PLCG2: variants seen among roughly 807,000 people sequenced by gnomAD.
The protein encoded by PLCG2 is phospholipase C gamma 2, also known as 1-phosphatidylinositol 4,5-bisphosphate phosphodiesterase gamma-2.
A neutral mutation model predicts 175.6 loss-of-function variants in PLCG2; 69 were observed. The ratio of observed to expected loss-of-function variants is 0.39; its 90% CI spans 0.32 to 0.48. The LOEUF (loss-of-function observed/expected upper bound fraction) is 0.48. Among genes scored for constraint, PLCG2 ranks in the 20% least tolerant of loss-of-function variants. The probability of loss-of-function intolerance (pLI) is 0.91; values close to 1 mark genes in which losing one functional copy is unlikely to be tolerated. For synonymous variants in PLCG2, 827 were observed against 624.0 expected (o/e 1.33, Z -4.85); for missense variants, 1,798 against 1,650.9 (o/e 1.09, Z -1.54).
At chr16:81,878,439 G>C (rs1049113191) in intron 7 of PLCG2, among the ~76,000 whole-genome samples, 1 of 152,064 alleles carries the variant, frequency 6.6e-6, no homozygotes, top group East Asian at 1.9e-4. Context: ...ATATATTCCC[G>C]GGGACACCAT....
At chr16:81,952,828 T>C (rs1019138217) in intron 31 of PLCG2, among the ~76,000 whole-genome samples, 10 of 152,120 alleles carry the variant, frequency 6.6e-5, no homozygotes, top group African/African-American at 2.4e-4. Flanking sequence ...AAAATGAAAG[T>C]TGGAGGAGAA....
chr16:81,892,164 G>A (rs1334564944), intron 11 of PLCG2, among the ~76,000 whole-genome samples: 1 of 152,246 alleles, frequency 6.6e-6, no homozygotes, highest in Non-Finnish European at 1.5e-5. Context: ...ACTGAGAGGA[G>A]TCTGCTAAGG....
chr16:81,778,561 C>A (rs1385691553), upstream of PLCG2, among the ~76,000 whole-genome samples: 1 of 152,182 alleles, frequency 6.6e-6, no homozygotes, highest in African/African-American at 2.4e-5. Context: ...AACATATTAG[C>A]TTCTTCCCAT....
intron 29 of PLCG2, 149 bp downstream of exon 29, chr16:81,939,064 G>A: frequency 1.6e-6 from 1 of 620,594 alleles, no homozygotes; most frequent in East Asian, 2.7e-5. Flanking sequence ...AGCTTGAGGA[G>A]GGGATACATA....
At chr16:81,848,222 G>A (rs761438603) in intron 2 of PLCG2, among the ~76,000 whole-genome samples, 34 of 152,206 alleles carry the variant, frequency 2.2e-4, no homozygotes, top group Non-Finnish European at 4.4e-4. Context: ...AGGCCACTCA[G>A]TGGAGAAAGG....
At chr16:81,957,802 A>G (rs2143783911) in intron 32 of PLCG2, among the ~76,000 whole-genome samples, 154 bp from the exon 33 acceptor site, 1 of 152,188 alleles carries the variant, frequency 6.6e-6, no homozygotes, top group Non-Finnish European at 1.5e-5. Flanking sequence ...TCAACGTCTT[A>G]CCAGGAACTT....
At chr16:81,755,880 G>A (rs1731613034) in exon 2 of PLCG2, 1 of 152,220 alleles carries the variant, frequency 6.6e-6, no homozygotes, top group Admixed American at 6.5e-5. Flanking sequence ...AAGTTCTGAG[G>A]GTACCCCTCA....
chr16:81,848,231 G>A (rs147833512), intron 2 of PLCG2, among the ~76,000 whole-genome samples: 1 of 152,180 alleles, frequency 6.6e-6, no homozygotes, highest in Non-Finnish European at 1.5e-5. Context: ...AGTGGAGAAA[G>A]GATAATCATT....
intron 2 of PLCG2, among the ~76,000 whole-genome samples, chr16:81,847,524 C>T (rs988696325): frequency 6.6e-6 from 1 of 152,018 alleles, no homozygotes; most frequent in African/African-American, 2.4e-5. Context: ...GCCCCCAGCC[C>T]TACAAAAAGA....
chr16:81,956,955 C>G, intron 32 of PLCG2, 76 bp downstream of exon 32: 1 of 1,295,476 alleles, frequency 7.7e-7, no homozygotes, highest in Non-Finnish European at 1.1e-6. Context: ...ACGGGCCAGG[C>G]TTCTGGAAAG....
chr16:81,765,909 C>A (rs76430444), intron 2 of PLCG2, among the ~76,000 whole-genome samples: 363 of 152,304 alleles, frequency 2.4e-3, no homozygotes, highest in African/African-American at 8.4e-3. Context: ...CCCTGGGGGC[C>A]CCCACAGGGA....
chr16:81,886,906 G>A (rs9938253), intron 9 of PLCG2, among the ~76,000 whole-genome samples: 6,976 of 152,186 alleles, frequency 0.046, 524 homozygotes, highest in African/African-American at 0.16. Flanking sequence ...GGTATCTAGT[G>A]CAATACCCTA....
chr16:81,800,788 C>T lies in PLCG2; in HGVS notation c.193+14606C>T, dbSNP rs572829824. ...GAGCCTGTGAATATATTACTCTATACGGCAAAATGCTCCTTGCAGATTGAA... is the reference window on the plus strand; with the variant it reads ...GAGCCTGTGAATATATTACTCTATATGGCAAAATGCTCCTTGCAGATTGAA... On this transcript the variant is annotated intron_variant, in intron 2 of 32. Transcript: ENST00000564138. Among the ~76,000 whole-genome samples the T allele has an allele frequency of 2.9e-3, 434 of 152,136 alleles. 2 individuals are homozygous for T. Among genetic ancestry groups the T allele is most frequent in the Non-Finnish European group, 5.1e-3 (346 of 68,012 alleles).
In PLCG2 at chr16:81,854,431, A is replaced by C. The variant is rs369771205; in HGVS notation, c.194-13A>C. 1.6e-5 allele frequency: 26 copies of C among 1,612,932 alleles called. No homozygotes were observed. The highest frequency in any genetic ancestry group is 2.1e-5 in the Non-Finnish European group (25 of 1,179,118). ...CTCCAGCTTCTAATTGGCTCATGTT[A>C]ATTTCATTTTAGTGGATATCATGGA... On this transcript the variant is annotated splice_polypyrimidine_tract_variant and intron_variant, in intron 2 of 32. Transcript: ENST00000564138.
chr16:81,911,494 G>A (rs1909619277), intron 18 of PLCG2, among the ~76,000 whole-genome samples: 1 of 151,884 alleles, frequency 6.6e-6, no homozygotes, highest in East Asian at 1.9e-4. Context: ...CTGGAGTGCA[G>A]TGGAACAATC....
chr16:81,910,760 G>T, intron 18 of PLCG2, 40 bp downstream of exon 18: 1 of 1,569,784 alleles, frequency 6.4e-7, no homozygotes, highest in Non-Finnish European at 8.7e-7. Flanking sequence ...GGCGGTGGTC[G>T]GGTTAGCTCC....
intron 2 of PLCG2, among the ~76,000 whole-genome samples, chr16:81,810,275 G>A (rs757157126): frequency 2.6e-5 from 4 of 152,112 alleles, no homozygotes; most frequent in Non-Finnish European, 4.4e-5. Flanking sequence ...GTGAGCCACC[G>A]TGCCCAGCCC....
chr16:81,913,178 C>A (rs535100514), intron 19 of PLCG2, among the ~76,000 whole-genome samples: 9 of 152,280 alleles, frequency 5.9e-5, no homozygotes, highest in African/African-American at 2.2e-4. Flanking sequence ...CTAATGTTAC[C>A]CCAAAACGCC....
intron 2 of PLCG2, among the ~76,000 whole-genome samples, chr16:81,818,902 T>G (rs1451870154): frequency 2.7e-5 from 4 of 150,814 alleles, no homozygotes; most frequent in Admixed American, 6.6e-5. Flanking sequence ...TTTTTTTTTT[T>G]TTTTTACTGT....
Sources: allele counts gnomAD v4.1 joint callset (sites outside exome capture counted in the v4.1 genomes callset), GRCh38; gene constraint gnomAD v4.1.1; transcripts MANE v1.5; gene names NCBI Gene and HGNC (gene_info 2026-07-23, HGNC 2026-07-21).